Variants in TJP1 observed in about 807,000 individuals in gnomAD.
TJP1 encodes the protein tight junction protein ZO-1.
A neutral mutation model predicts 194.2 loss-of-function variants in TJP1; 43 were observed. The observed-to-expected ratio is 0.22, with a 90% CI of 0.17 to 0.29. The LOEUF is 0.29. Among genes scored for constraint, TJP1 ranks in the 10% least tolerant of loss-of-function variants. The pLI is 1.00. For synonymous variants in TJP1, 801 were observed against 779.0 expected, an observed-to-expected ratio of 1.03 and a Z score of -0.47; for missense variants, 1,971 against 2,185.7, an observed-to-expected ratio of 0.90 and a Z score of 1.96.
intron 2 of TJP1, among the ~76,000 whole-genome samples, chr15:29,830,388 C>T (rs987208286): frequency 1.7e-4 from 26 of 149,664 alleles, no homozygotes; most frequent in African/African-American, 6.3e-4. Flanking sequence ...TATATTAGTA[C>T]ATTTTACGTC....
At chr15:29,841,228 C>T (rs1185718664) in intron 2 of TJP1, among the ~76,000 whole-genome samples, 4 of 152,154 alleles carry the variant, frequency 2.6e-5, no homozygotes, top group Admixed American at 2.6e-4. Context: ...AAGCTGAAAC[C>T]CCGTGTCCTT....
chr15:29,726,994 A>C lies in TJP1; in HGVS notation c.2101-3T>G. On this transcript the variant is annotated splice_region_variant and splice_polypyrimidine_tract_variant and intron_variant, in intron 16 of 27. Coordinates refer to ENST00000614355, the MANE Select transcript of TJP1 (RefSeq NM_001330239.4). Reference sequence around the variant, plus strand: ...ACATCTAATAAAGCATGTTTGTCCTAGAAACAGAAAGAAAAATATATACAA... The same window carrying C: ...ACATCTAATAAAGCATGTTTGTCCTCGAAACAGAAAGAAAAATATATACAA... 1 of 1,610,748 alleles carries C rather than the reference A, an allele frequency of 6.2e-7. No individual in the cohort carries two copies. The highest frequency in any genetic ancestry group is 8.5e-7 in the Non-Finnish European group (1 of 1,177,854).
chr15:29,735,751 TGAC>T (rs1174728476), intron 11 of TJP1, among the ~76,000 whole-genome samples: 2 of 152,164 alleles, frequency 1.3e-5, no homozygotes. Context: ...CTAACTTGAT[TGAC>T]AACAATGTAA....
At chr15:29,872,413 G>T (rs2052557337) in intron 2 of TJP1, among the ~76,000 whole-genome samples, 1 of 152,136 alleles carries the variant, frequency 6.6e-6, no homozygotes, top group African/African-American at 2.4e-5. Flanking sequence ...CACAATTCAA[G>T]GATAGTATAA....
chr15:29,959,905 C>T (rs1299269012), intron 1 of TJP1, among the ~76,000 whole-genome samples: 1 of 152,138 alleles, frequency 6.6e-6, no homozygotes, highest in Non-Finnish European at 1.5e-5. Flanking sequence ...GCTTTGTTCT[C>T]TTCTCCACAG....
At chr15:29,931,461 G>A (rs2054710756) in intron 2 of TJP1, among the ~76,000 whole-genome samples, 1 of 152,128 alleles carries the variant, frequency 6.6e-6, no homozygotes, top group Non-Finnish European at 1.5e-5. Flanking sequence ...AGAATAGAGA[G>A]ATGTACTCTA....
At chr15:29,875,993 C>T (rs2052684328) in intron 2 of TJP1, among the ~76,000 whole-genome samples, 1 of 152,166 alleles carries the variant, frequency 6.6e-6, no homozygotes, top group African/African-American at 2.4e-5. Flanking sequence ...AACTGCTAGC[C>T]ACACGTGACT....
At chr15:29,774,199 A>G (rs1323598325) in intron 2 of TJP1, among the ~76,000 whole-genome samples, 1 of 152,198 alleles carries the variant, frequency 6.6e-6, no homozygotes, top group Non-Finnish European at 1.5e-5. Flanking sequence ...CCTGAGGACA[A>G]AGGTAACAAC....
At chr15:29,897,145 G>A (rs1040582801) in intron 2 of TJP1, among the ~76,000 whole-genome samples, 6 of 152,208 alleles carry the variant, frequency 3.9e-5, no homozygotes, top group Admixed American at 2.6e-4. Flanking sequence ...CAGAGGCCTA[G>A]GAGGAAAACA....
At chr15:29,771,803 T>TC (rs1235832735) in intron 4 of TJP1, among the ~76,000 whole-genome samples, 1 of 134,954 alleles carries the variant, frequency 7.4e-6, no homozygotes, top group African/African-American at 2.7e-5. Context: ...AGACTCCGTC[T>TC]CAAAAAAAAA....
rs2043240304 is a variant in TJP1, at chr15:29,726,413, T to A, written c.2378A>T (p.Gln793Leu). The A allele has an allele frequency of 1.2e-6, 2 of 1,614,026 alleles. No homozygotes were observed. The highest frequency in any genetic ancestry group is 8.5e-7 in the Non-Finnish European group (1 of 1,180,004). ...GGAAACCCATACCAGCTGGTTTTGCTGTTGTTGAATTGCTTCTTTCAGCGC... is the reference window on the plus strand; with the variant it reads ...GGAAACCCATACCAGCTGGTTTTGCAGTTGTTGAATTGCTTCTTTCAGCGC... The part of the protein sequence containing the change: ...YGALKEAIQQ[Q>L]QNQLVWVSEG... Residue 793 changes from glutamine to leucine, a missense_variant, in exon 18 of 28, where the codon CAG becomes CTG. Coordinates refer to ENST00000614355, the MANE Select transcript of TJP1 (RefSeq NM_001330239.4).
chr15:29,917,728 C>CAA (rs1188024057), intron 2 of TJP1, among the ~76,000 whole-genome samples: 3 of 152,152 alleles, frequency 2.0e-5, no homozygotes, highest in Non-Finnish European at 4.4e-5. Context: ...GACACTTTCT[C>CAA]CCCTGACCTG....
rs1311659134 is a variant in TJP1, at chr15:29,910,113, G to T, written c.306+46119C>A. ...AGAAAATACCTTATCTGGAAAAATA[G>T]TTTGAACTTTTACTCACCTCCTCAA... On this transcript the variant is annotated intron_variant, in intron 2 of 28. Transcript: ENST00000356107. Among the ~76,000 whole-genome samples, 4 of 152,252 alleles carry T rather than the reference G, an allele frequency of 2.6e-5. No individual in the cohort carries two copies. The East Asian group carries it at 7.7e-4, about 29-fold the overall frequency.
At chr15:29,870,810 CT>C in intron 2 of TJP1, among the ~76,000 whole-genome samples, 1 of 152,316 alleles carries the variant, frequency 6.6e-6, no homozygotes, top group East Asian at 1.9e-4. Flanking sequence ...CTTACACCTG[CT>C]TATGGACTAG....
In TJP1 at chr15:29,729,292, C is replaced by A. The variant is rs1415094248; in HGVS notation, c.2018-1273G>T. 4 of 152,170 alleles carry A rather than the reference C, an allele frequency of 2.6e-5. No individual in the cohort carries two copies. The East Asian group carries it at 7.7e-4, about 29-fold the overall frequency. The allele number at this position is 152,170 out of a possible 1,614,324, so 9.4% of individuals were successfully genotyped here. A position where few individuals can be genotyped will look rare whatever the true frequency, so the allele number is the denominator to read the frequency against. On this transcript the variant is annotated intron_variant, in intron 15 of 27. Coordinates refer to ENST00000614355, the MANE Select transcript of TJP1 (RefSeq NM_001330239.4). ...TCCAACCTGGGCAACACAGTAAGAC[C>A]TTGTCTCAAACAAAAGAAAACAAAA... is the stretch of plus-strand genomic sequence containing the variant.
chr15:29,950,620 G>A (rs1235324727), intron 2 of TJP1, among the ~76,000 whole-genome samples: 1 of 152,210 alleles, frequency 6.6e-6, no homozygotes, highest in East Asian at 1.9e-4. Context: ...AAGAGTGGGA[G>A]TGAGAACGGG....
chr15:29,832,213 C>T (rs918568907), intron 2 of TJP1, among the ~76,000 whole-genome samples: 6 of 152,060 alleles, frequency 3.9e-5, no homozygotes, highest in African/African-American at 1.2e-4. Flanking sequence ...GGCATTGGGG[C>T]GGCTGAGAGC....
chr15:29,838,843 A>T (rs2051124018), intron 2 of TJP1, among the ~76,000 whole-genome samples: 2 of 152,176 alleles, frequency 1.3e-5, no homozygotes, highest in South Asian at 4.1e-4. Context: ...TTACTTCATG[A>T]ACATTACATA....
At chr15:29,818,723 G>A (rs190510539) in intron 1 of TJP1, among the ~76,000 whole-genome samples, 1 of 138,030 alleles carries the variant, frequency 7.2e-6, no homozygotes, top group African/African-American at 2.7e-5. Context: ...TCACCATGTT[G>A]GTCAGGCTGG....
Sources: gnomAD v4.1 joint callset for allele counts (sites outside exome capture counted in the v4.1 genomes callset) on GRCh38, gnomAD v4.1.1 for gene constraint, MANE v1.5 for transcripts, NCBI Gene and HGNC (gene_info 2026-07-23, HGNC 2026-07-21) for gene names.